FASTK: variants seen among roughly 807,000 people sequenced by gnomAD.
FASTK encodes the protein fas-activated serine/threonine kinase.
FASTK carries 28 observed loss-of-function variants against 60.0 expected under a neutral mutation model. The observed-to-expected ratio is 0.47, with a 90% CI of 0.35 to 0.64. FASTK has a LOEUF of 0.64. FASTK is among the 30% of genes least tolerant of loss of function. The pLI, the probability that FASTK is intolerant of heterozygous loss-of-function variation, is 0.01. For synonymous variants in FASTK, 325 were observed against 307.9 expected (o/e 1.06, Z -0.58); for missense variants, 595 against 713.8 (o/e 0.83, Z 1.90).
At chr7:151,079,391 C>G (rs377206754) in intron 2 of FASTK, 109 bp downstream of exon 2, 1 of 1,127,258 alleles carries the variant, frequency 8.9e-7, no homozygotes, top group East Asian at 2.6e-5. Context: ...AGCAAGCGTT[C>G]CTGGGCAAAC....
At position 151,080,715 on chromosome 7, in the gene FASTK, C is replaced by CCT; in HGVS notation, c.50_51dup (p.Gly18ArgfsTer38). On this transcript the variant is annotated frameshift_variant, in exon 1 of 10. Coordinates refer to ENST00000297532, the MANE Select transcript of FASTK (RefSeq NM_006712.5). LOFTEE classifies it high-confidence loss of function. ...TCCCCGGGCCCTGCGCAGGTCGCTC[C>CCT]CTCAGTCGGTCTCGGGGCCCGGGGG... 2 of 1,365,496 alleles carry CCT rather than the reference C, an allele frequency of 1.5e-6. No homozygotes were observed. The highest frequency in any genetic ancestry group is 1.9e-6 in the Non-Finnish European group (2 of 1,061,234). The allele number at this position is 1,365,496 out of a possible 1,614,324, so 84.6% of individuals were successfully genotyped here.
chr7:151,079,753 T>C lies in FASTK; in HGVS notation c.252A>G (p.Gly84=), dbSNP rs2150387855. The C allele has an allele frequency of 6.2e-7, 1 of 1,600,946 alleles. No individual in the cohort carries two copies. Among genetic ancestry groups the C allele is most frequent in the East Asian group, 2.3e-5 (1 of 44,114 alleles). Residue 84 remains glycine (G), a synonymous_variant, in exon 2 of 10, where the codon GGA becomes GGG. Transcript: ENST00000297532. The part of the protein sequence containing the change: ...GGGPSAGPVQ[G]LQRLLEQAKS... ...TCGCCTGTTCCAGAAGCCGCTGCAG[T>C]CCTTGCACAGGACCTGCACTGGGGC... is the stretch of plus-strand genomic sequence containing the variant.
In FASTK at chr7:151,078,932, G is replaced by A; in HGVS notation, c.595C>T (p.Leu199Phe). The change falls in exon 3 of 10, where the codon CTT becomes TTT. Residue 199 changes from leucine to phenylalanine, a missense_variant. Coordinates refer to ENST00000297532, the MANE Select transcript of FASTK (RefSeq NM_006712.5). ...PPKPPPPLQP[L>F]LRGGQGLEAA... is the part of the protein sequence containing the mutation. ...TCCAACCCTTGCCCACCTCGGAGAA[G>A]GGGCTGCAAAGGGGGAGGTGGCTTC... is the stretch of plus-strand genomic sequence containing the variant. The A allele has an allele frequency of 6.3e-7, 1 of 1,575,140 alleles. No homozygotes were observed. Among genetic ancestry groups the A allele is most frequent in the East Asian group, 2.3e-5 (1 of 44,114 alleles).
intron 8 of FASTK, 26 bp downstream of exon 8, chr7:151,077,075 G>A: frequency 6.2e-7 from 1 of 1,607,930 alleles, no homozygotes; most frequent in Non-Finnish European, 8.5e-7. Flanking sequence ...AAGGTGGCCA[G>A]GGCTCCCCCA....
rs752979268 is a variant in FASTK at position 151,078,902 on chromosome 7, C to A, written c.625G>T (p.Ala209Ser). Reference protein sequence around the residue: ...LLRGGQGLEAALSCPRFLRYP... With the variant: ...LLRGGQGLEASLSCPRFLRYP... Reference sequence around the variant, plus strand: ...CGCAGAAAACGGGGGCAGCTTAGAGCAGCTTCCAACCCTTGCCCACCTCGG... The same window carrying A: ...CGCAGAAAACGGGGGCAGCTTAGAGAAGCTTCCAACCCTTGCCCACCTCGG... The change falls in exon 3 of 10, where the codon GCT becomes TCT. Residue 209 changes from alanine to serine, a missense_variant. Ala to Ser is a moderately conservative substitution (Grantham distance 99). This residue lies in a region of FASTK where 471 missense variants were observed against 605.9 expected (regional missense o/e 0.78). Transcript: ENST00000297532. 8.8e-6 allele frequency: 14 copies of A among 1,594,998 alleles called. No individual in the cohort carries two copies. In the East Asian group the frequency reaches 2.9e-4, roughly 33 times the overall value.
intron 2 of FASTK, 41 bp downstream of exon 2, chr7:151,079,459 A>G (rs892044445): frequency 6.5e-7 from 1 of 1,530,182 alleles, no homozygotes; most frequent in Non-Finnish European, 8.8e-7. Context: ...TTCTTCATTA[A>G]CACCTAGCCC....
In FASTK at chr7:151,077,395, C is replaced by T. The variant is rs1797722370; in HGVS notation, c.1206G>A (p.Lys402=). ...GGCGCAACCCCTCAGCTACTATGTC[C>T]TTGTGACTGAGGAGAAAGGACACCA... ...TDRARCKYSH[K]DIVAEGLRQL... The change falls in exon 7 of 10, where the codon AAG becomes AAA. Residue 402 remains lysine, a synonymous_variant. Coordinates refer to ENST00000297532, the MANE Select transcript of FASTK (RefSeq NM_006712.5). 2 of 1,612,246 alleles carry T rather than the reference C, an allele frequency of 1.2e-6. No individual in the cohort carries two copies. Among genetic ancestry groups the T allele is most frequent in the Non-Finnish European group, 1.7e-6 (2 of 1,179,958 alleles).
rs764343289 is a variant in FASTK, at chr7:151,077,887, T to A, written c.1031A>T (p.Tyr344Phe). 6.2e-7 allele frequency: 1 copy of A among 1,613,280 alleles called. No individual in the cohort carries two copies. The highest frequency in any genetic ancestry group is 1.1e-5 in the South Asian group (1 of 91,068). The change falls in exon 5 of 10, where the codon TAC becomes TTC. Residue 344 changes from tyrosine to phenylalanine, a missense_variant. Physicochemically the swap from Tyr to Phe is conservative, Grantham distance 22. This residue lies in a region of FASTK where 471 missense variants were observed against 605.9 expected (regional missense o/e 0.78). Transcript: ENST00000297532. ...CCATCCTGGCTGCGTACCACTGATG[T>A]AGTTGATGAAGCCAGGGGAAAAAAC... is the stretch of plus-strand genomic sequence containing the variant. Reference protein sequence around the residue: ...HFVFSPGFINYISGTPHALIV... With the variant: ...HFVFSPGFINFISGTPHALIV...
In FASTK at chr7:151,077,542, C is replaced by T. The variant is rs1165578304; in HGVS notation, c.1199+79G>A. The T allele has an allele frequency of 8.0e-6, 12 of 1,508,294 alleles. No individual in the cohort carries two copies. In the African/African-American group the frequency reaches 8.3e-5, roughly 10 times the overall value. 93.4% of individuals were successfully genotyped at this position (1,508,294 alleles called of 1,614,324 possible). On this transcript the variant is annotated intron_variant, in intron 6 of 9. Coordinates refer to ENST00000297532, the MANE Select transcript of FASTK (RefSeq NM_006712.5). ...GTGGCCGAGAGCTCCTTAGCTTTGG[C>T]GCTTCATGGTCCCTCTGGCTTTTCC...
intron 2 of FASTK, 154 bp from the exon 3 acceptor site, chr7:151,079,175 G>C (rs1585012143): frequency 1.5e-6 from 1 of 669,900 alleles, no homozygotes; most frequent in Non-Finnish European, 2.4e-6. Context: ...GACATGTAAA[G>C]TATCATGTGG....
intron 6 of FASTK, 98 bp downstream of exon 6, chr7:151,077,523 G>A (rs1186639204): frequency 1.4e-5 from 21 of 1,503,844 alleles, no homozygotes; most frequent in South Asian, 4.9e-5. Flanking sequence ...TATGGTGGCC[G>A]AGAGCTCCTT....
chr7:151,078,716 C>T lies in FASTK; in HGVS notation c.686-15G>A, dbSNP rs1038300013. ...TGGCCTTGCCTCTGTGAAGAGCAGC[C>T]TGTCACGCTGGGCCTCAGCCGGACC... On this transcript the variant is annotated splice_polypyrimidine_tract_variant and intron_variant, in intron 3 of 9. Coordinates refer to ENST00000297532, the MANE Select transcript of FASTK (RefSeq NM_006712.5). 1 of 1,612,458 alleles carries T rather than the reference C, an allele frequency of 6.2e-7. No individual in the cohort carries two copies. Among genetic ancestry groups the T allele is most frequent in the Non-Finnish European group, 8.5e-7 (1 of 1,179,758 alleles).
chr7:151,077,542 C>G, intron 6 of FASTK, 79 bp downstream of exon 6: 1 of 1,508,422 alleles, frequency 6.6e-7, no homozygotes. Context: ...TTAGCTTTGG[C>G]GCTTCATGGT....
In FASTK at chr7:151,077,219, T is replaced by C. The variant is rs1475273013; in HGVS notation, c.1309A>G (p.Ser437Gly). The change falls in exon 8 of 10, where the codon AGC becomes GGC. Residue 437 changes from serine to glycine, a missense_variant. Ser to Gly is a moderately conservative substitution (Grantham distance 56). Transcript: ENST00000297532. ...ACGGGAAGCACAGCACCAGAGCTGCTGGCGCACAGCAGGAAGTCTGGAGGG... is the reference window on the plus strand; with the variant it reads ...ACGGGAAGCACAGCACCAGAGCTGCCGGCGCACAGCAGGAAGTCTGGAGGG... ...GYCTDFLLCA[S>G]SSGAVLPVRT... 1 of 1,612,706 alleles carries C rather than the reference T, an allele frequency of 6.2e-7. No individual in the cohort carries two copies.
chr7:151,079,376 G>T, intron 2 of FASTK, 124 bp downstream of exon 2: 1 of 933,290 alleles, frequency 1.1e-6, no homozygotes, highest in African/African-American at 1.7e-5. Flanking sequence ...TAGGACGGGA[G>T]CAGGAGCAAG....
intron 6 of FASTK, 99 bp downstream of exon 6, chr7:151,077,522 C>T (rs1026085675): frequency 2.3e-5 from 35 of 1,505,188 alleles, no homozygotes; most frequent in East Asian, 4.7e-5. Flanking sequence ...TTATGGTGGC[C>T]GAGAGCTCCT....
At position 151,077,017 on chromosome 7, in the gene FASTK, C is replaced by G; in HGVS notation, c.1438G>C (p.Val480Leu). 6.2e-7 allele frequency: 1 copy of G among 1,612,732 alleles called. No homozygotes were observed. Among genetic ancestry groups the G allele is most frequent in the Non-Finnish European group, 8.5e-7 (1 of 1,179,788 alleles). Reference sequence around the variant, plus strand: ...CAGAAATGCCAGCGTTCCCGCAACACCAGCACCACCCTGCAGGGGGAGGGA... The same window carrying G: ...CAGAAATGCCAGCGTTCCCGCAACAGCAGCACCACCCTGCAGGGGGAGGGA... ...TRDPAQRVVL[V>L]LRERWHFCRD... Residue 480 changes from valine (V) to leucine (L), a missense_variant, in exon 9 of 10, where the codon GTG becomes CTG. Physicochemically the swap from Val to Leu is conservative, Grantham distance 32 (BLOSUM62 1). Around this residue, in one of 2 missense-constraint regions of FASTK, gnomAD observed 471 missense variants for 605.9 expected, o/e 0.78. Transcript: ENST00000297532.
Position 151,076,779 on chromosome 7 carries a change from G to C in FASTK, c.1596C>G (p.Tyr532Ter). 6.2e-7 allele frequency: 1 copy of C among 1,612,208 alleles called. No individual in the cohort carries two copies. Among genetic ancestry groups the C allele is most frequent in the Non-Finnish European group, 8.5e-7 (1 of 1,179,404 alleles). ...SQRGLPQLKS[Y>*]LRQKLQALGL... ...CCAGGGCCTGGAGCTTCTGCCTCAGGTAGCTCTTGAGCTGGGGCAGGCCTC... is the reference window on the plus strand; with the variant it reads ...CCAGGGCCTGGAGCTTCTGCCTCAGCTAGCTCTTGAGCTGGGGCAGGCCTC... The change falls in exon 10 of 10, where the codon TAC (tyrosine) becomes TAG (stop). Residue 532 changes from tyrosine (Y) to a stop codon, truncating the protein, a stop_gained. Transcript: ENST00000297532. LOFTEE classifies it high-confidence loss of function.
At position 151,077,253 on chromosome 7, in the gene FASTK, C is replaced by G. The variant is rs35919349; in HGVS notation, c.1292-17G>C. On this transcript the variant is annotated splice_polypyrimidine_tract_variant and intron_variant, in intron 7 of 9. Coordinates refer to ENST00000297532, the MANE Select transcript of FASTK (RefSeq NM_006712.5). The stretch of plus-strand genomic sequence containing the variant: ...GCAGGAAGTCTGGAGGGGAGCAGGG[C>G]CGGCGGCCTTAGCCAGGGCTCCGTC... 1 of 1,612,026 alleles carries G rather than the reference C, an allele frequency of 6.2e-7. No homozygotes were observed. Among genetic ancestry groups the G allele is most frequent in the African/African-American group, 1.3e-5 (1 of 75,046 alleles).
Sources: gnomAD v4.1 joint callset for allele counts on GRCh38, gnomAD v4.1.1 for gene constraint, gnomAD v4.1.1 regional missense constraint, MANE v1.5 for transcripts, NCBI Gene and HGNC (gene_info 2026-07-23, HGNC 2026-07-21) for gene names.